The following FSD1L variants were observed in gnomAD, a reference collection of about 807,000 sequenced individuals.
FSD1L encodes the protein FSD1-like protein.
FSD1L carries 45 observed loss-of-function variants against 71.6 expected under a neutral mutation model. That is an observed-to-expected ratio of 0.63 (90% CI 0.49 to 0.81). FSD1L has a LOEUF of 0.81. Among genes scored for constraint, FSD1L ranks in the 30% least tolerant of loss-of-function variants. FSD1L has a pLI of 0.00. For missense variants in FSD1L, 561 were observed against 618.1 expected, an observed-to-expected ratio of 0.91 and a Z score of 0.98; for synonymous variants, 197 against 207.2, an observed-to-expected ratio of 0.95 and a Z score of 0.42.
At chr9:105,490,600 T>C (rs1832862453) in intron 7 of FSD1L, among the ~76,000 whole-genome samples, 2 of 146,202 alleles carry the variant, frequency 1.4e-5, no homozygotes, top group East Asian at 2.0e-4. Context: ...TCCTGAATGG[T>C]AATGCCTAGG....
At chr9:105,505,183 T>C (rs189566849) in intron 7 of FSD1L, among the ~76,000 whole-genome samples, 74 of 152,370 alleles carry the variant, frequency 4.9e-4, no homozygotes, top group African/African-American at 1.7e-3. Context: ...TTCCGCTTAT[T>C]CATCTCTTAT....
At chr9:105,513,454 C>A in intron 10 of FSD1L, 1 of 558,358 alleles carries the variant, frequency 1.8e-6, no homozygotes, top group Non-Finnish European at 3.1e-6. Context: ...GAAATTTTTG[C>A]TCAAACTGAA....
upstream of FSD1L, chr9:105,447,932 G>C (rs1221139137): frequency 1.4e-5 from 7 of 518,186 alleles, no homozygotes; most frequent in Non-Finnish European, 2.4e-5. Context: ...GCGGTAGACA[G>C]ACGGGCGGCG....
At chr9:105,518,629 A>G (rs1468699337) in intron 10 of FSD1L, among the ~76,000 whole-genome samples, 2 of 152,226 alleles carry the variant, frequency 1.3e-5, no homozygotes, top group African/African-American at 2.4e-5. Context: ...CAAAGACACA[A>G]TGTACTAGAA....
At position 105,526,414 on chromosome 9, in the gene FSD1L, T is replaced by C; in HGVS notation, c.1026-8079T>C. 4 of 1,613,358 alleles carry C rather than the reference T, an allele frequency of 2.5e-6. No individual in the cohort carries two copies. In the Admixed American group the frequency reaches 6.7e-5, roughly 27 times the overall value. ...ACCCAGAGATTCTACCCAGTGAAAC[T>C]CCCACAGCAGCGCAGGTAGATGGGG... On this transcript the variant is annotated intron_variant, in intron 10 of 13. Coordinates refer to ENST00000481272, the MANE Select transcript of FSD1L (RefSeq NM_001145313.3).
intron 9 of FSD1L, among the ~76,000 whole-genome samples, chr9:105,509,951 C>CTATT (rs1182052718): frequency 2.6e-5 from 4 of 152,164 alleles, no homozygotes; most frequent in African/African-American, 7.2e-5. Flanking sequence ...AAATTCATTA[C>CTATT]TATTATTCTT....
At chr9:105,447,913 G>C, upstream of FSD1L, 2 of 500,866 alleles carry the variant, frequency 4.0e-6, no homozygotes, top group South Asian at 4.9e-5. Flanking sequence ...GCAGCCTGCA[G>C]AGGCACTAGC....
chr9:105,536,819 T>A (rs1836297307), intron 12 of FSD1L, among the ~76,000 whole-genome samples: 1 of 152,074 alleles, frequency 6.6e-6, no homozygotes, highest in Non-Finnish European at 1.5e-5. Flanking sequence ...GTATTTTTAG[T>A]AGAGACGGGG....
Position 105,482,123 on chromosome 9 carries a change from G to A in FSD1L, c.465-2258G>A, listed in dbSNP as rs142844143. On this transcript the variant is annotated intron_variant, in intron 6 of 13. Transcript: ENST00000481272. ...ATAGATGGATTTTAAGGGAGAATGTGTAACATATCTGAGCAAGAAATCAAA... is the reference window on the plus strand; with the variant it reads ...ATAGATGGATTTTAAGGGAGAATGTATAACATATCTGAGCAAGAAATCAAA... 4.6e-5 allele frequency among the ~76,000 whole-genome samples: 7 copies of A among 152,214 alleles called. No homozygotes were observed. In the East Asian group the frequency reaches 1.2e-3, roughly 25 times the overall value.
intron 10 of FSD1L, among the ~76,000 whole-genome samples, chr9:105,517,427 C>T (rs1589057969): frequency 6.6e-6 from 1 of 152,178 alleles, no homozygotes. Flanking sequence ...TTGGATTACC[C>T]ACAAAGGGAA....
At chr9:105,530,664 C>A in intron 10 of FSD1L, 1 of 633,724 alleles carries the variant, frequency 1.6e-6, no homozygotes, top group South Asian at 1.8e-5. Context: ...TGCATGTTTC[C>A]TCTCAGCAGA....
chr9:105,488,660 AT>A (rs1832712618), intron 7 of FSD1L, among the ~76,000 whole-genome samples: 1 of 152,108 alleles, frequency 6.6e-6, no homozygotes, highest in African/African-American at 2.4e-5. Context: ...GTTGCTTCAC[AT>A]TTTCACCAAT....
At position 105,468,264 on chromosome 9, in the gene FSD1L, A is replaced by G. The variant is rs61996265; in HGVS notation, c.279A>G (p.Val93=). ...FDSLYSILDE[V]KESMINCIKQ... ...GTTTATACTCTATACTGGATGAAGT[A>G]AAAGAAAGTATGATTAACTGTATCA... The change falls in exon 4 of 14, where the codon GTA becomes GTG. Residue 93 remains valine, a synonymous_variant. Transcript: ENST00000481272. The G allele has an allele frequency of 0.01, 14,894 of 1,485,984 alleles. 106 individuals carry two copies. Among genetic ancestry groups the G allele is most frequent in the Middle Eastern group, 0.012 (70 of 5,836 alleles). 92.0% of individuals were successfully genotyped at this position (1,485,984 alleles called of 1,614,324 possible). A position where few individuals can be genotyped will look rare whatever the true frequency, so the allele number is the denominator to read the frequency against.
Position 105,464,298 on chromosome 9 carries a change from T to C in FSD1L, c.174T>C (p.Ile58=). 1 of 1,525,986 alleles carries C rather than the reference T, an allele frequency of 6.6e-7. No homozygotes were observed. Among genetic ancestry groups the C allele is most frequent in the Non-Finnish European group, 8.9e-7 (1 of 1,127,142 alleles). The allele number at this position is 1,525,986 out of a possible 1,614,324, so 94.5% of individuals were successfully genotyped here. A position where few individuals can be genotyped will look rare whatever the true frequency, so the allele number is the denominator to read the frequency against. Residue 58 remains isoleucine (I), a synonymous_variant, in exon 3 of 14, where the codon ATT becomes ATC. Transcript: ENST00000481272. ...ANKNDEIQNF[I]DTLHHTLKGV... Reference sequence around the variant, plus strand: ...AAAATGATGAAATTCAGAACTTTATTGATACACTACATCATACACTAAAAG... The same window carrying C: ...AAAATGATGAAATTCAGAACTTTATCGATACACTACATCATACACTAAAAG...
At chr9:105,532,942 G>GAAATGAA (rs1835989773) in intron 10 of FSD1L, among the ~76,000 whole-genome samples, 2 of 151,916 alleles carry the variant, frequency 1.3e-5, no homozygotes, top group South Asian at 2.1e-4. Flanking sequence ...AAGTCACTGA[G>GAAATGAA]TCATATGAAA....
chr9:105,481,182 T>G (rs1043728059), intron 6 of FSD1L, among the ~76,000 whole-genome samples: 1 of 141,438 alleles, frequency 7.1e-6, no homozygotes. Flanking sequence ...TGTGTGTGGT[T>G]CTTTTTTTTT....
intron 13 of FSD1L, among the ~76,000 whole-genome samples, chr9:105,544,502 A>C (rs1836847897): frequency 6.6e-6 from 1 of 152,172 alleles, no homozygotes; most frequent in Non-Finnish European, 1.5e-5. Flanking sequence ...GTCCTTGCCC[A>C]TGCCTATGTC....
At chr9:105,542,709 G>GC (rs1220291317) in intron 13 of FSD1L, among the ~76,000 whole-genome samples, 1 of 152,112 alleles carries the variant, frequency 6.6e-6, no homozygotes, top group African/African-American at 2.4e-5. Context: ...ACCAGCCTTG[G>GC]CCCCCCAAAA....
At position 105,523,000 on chromosome 9, in the gene FSD1L, C is replaced by G. The variant is rs112382470; in HGVS notation, c.1025+10064C>G. 1.6e-3 allele frequency: 2,632 copies of G among 1,614,132 alleles called. 38 individuals carry two copies. In the African/African-American group the frequency reaches 0.032, roughly 20 times the overall value. ...GATAGTCATTCGGATTCTTTCAGCG[C>G]TTTCCAATATGATGGCCAAAAATTT... On this transcript the variant is annotated intron_variant, in intron 10 of 13. Coordinates refer to ENST00000481272, the MANE Select transcript of FSD1L (RefSeq NM_001145313.3).
Sources: gnomAD v4.1 joint callset for allele counts (sites outside exome capture counted in the v4.1 genomes callset) on GRCh38, gnomAD v4.1.1 for gene constraint, MANE v1.5 for transcripts, NCBI Gene and HGNC (gene_info 2026-07-23, HGNC 2026-07-21) for gene names.